Variants in SV2A observed in about 807,000 individuals in gnomAD.
SV2A encodes synaptic vesicle glycoprotein 2A, also known as solute carrier family 22 member B1.
A neutral mutation model predicts 78.0 loss-of-function variants in SV2A; 25 were observed. That is an observed-to-expected ratio of 0.32 (90% CI 0.23 to 0.45). The LOEUF is 0.45. Ranked by LOEUF, SV2A falls within the 20% of genes least tolerant of loss-of-function variation. SV2A has a pLI of 1.00. For missense variants in SV2A, 752 were observed against 971.5 expected (o/e 0.77, Z 3.00); for synonymous variants, 355 against 384.7 (o/e 0.92, Z 0.90).
rs1413992261 is a variant in SV2A at position 149,904,790 on chromosome 1, G to C, written c.*224C>G. On this transcript the variant is annotated 3_prime_UTR_variant, in exon 13 of 13. Transcript: ENST00000369146. The stretch of plus-strand genomic sequence containing the variant: ...GCAAAGTCAAGGGCAGTGGGAAATG[G>C]GGAGTACAGCTTCATCTCAAAACTG... 1.2e-5 allele frequency: 6 copies of C among 507,538 alleles called. No individual in the cohort carries two copies. The highest frequency in any genetic ancestry group is 2.1e-5 in the Non-Finnish European group (6 of 286,108). The allele number at this position is 507,538 out of a possible 1,614,324, so 31.4% of individuals were successfully genotyped here. A position where few individuals can be genotyped will look rare whatever the true frequency, so the allele number is the denominator to read the frequency against.
At position 149,905,104 on chromosome 1, in the gene SV2A, A is replaced by C. The variant is rs1553762499; in HGVS notation, c.2139T>G (p.Ala713=). 16 of 1,613,346 alleles carry C rather than the reference A, an allele frequency of 9.9e-6. No homozygotes were observed. Among genetic ancestry groups the C allele is most frequent in the Non-Finnish European group, 1.4e-5 (16 of 1,179,728 alleles). The change falls in exon 13 of 13, where the codon GCT becomes GCG. Residue 713 remains alanine, a synonymous_variant. Coordinates refer to ENST00000369146, the MANE Select transcript of SV2A (RefSeq NM_014849.5). ...CAGCTGAGGCAAAGAGGATGGGTGC[A>C]GCCTTGGTGATTCCCACGAAGGATG... ...IFTSFVGITK[A]APILFASAAL...
chr1:149,913,829 G>A lies in SV2A; in HGVS notation c.12C>T (p.Gly4=), dbSNP rs1161083831. Residue 4 remains glycine (G), a synonymous_variant, in exon 2 of 13, where the codon GGC becomes GGT. Transcript: ENST00000369146. ...GGATGAAAGCTGCCCGGTCTCGGAA[G>A]CCCTCTTCCATGATGGGGCTTGGGG... The part of the protein sequence containing the change: MEE[G]FRDRAAFIRG... 1 of 1,607,898 alleles carries A rather than the reference G, an allele frequency of 6.2e-7. No individual in the cohort carries two copies. The highest frequency in any genetic ancestry group is 8.5e-7 in the Non-Finnish European group (1 of 1,175,872).
At chr1:149,907,506 T>C (rs1321213001) in intron 10 of SV2A, among the ~76,000 whole-genome samples, 194 bp downstream of exon 10, 8 of 152,262 alleles carry the variant, frequency 5.3e-5, no homozygotes, top group African/African-American at 1.7e-4. Context: ...TCAGATATTC[T>C]ATTACAGGAA....
At chr1:149,913,121 G>C in intron 2 of SV2A, 98 bp downstream of exon 2, 1 of 1,466,048 alleles carries the variant, frequency 6.8e-7, no homozygotes, top group Non-Finnish European at 9.2e-7. Flanking sequence ...TTGGGTGCAG[G>C]GTCCTAGGGA....
chr1:149,913,097 C>A lies in SV2A; in HGVS notation c.622+122G>T, dbSNP rs2092485886. 3 of 1,285,616 alleles carry A rather than the reference C, an allele frequency of 2.3e-6. No individual in the cohort carries two copies. In the East Asian group the frequency reaches 7.0e-5, roughly 30 times the overall value. 79.6% of individuals were successfully genotyped at this position (1,285,616 alleles called of 1,614,324 possible). Reference sequence around the variant, plus strand: ...AAGAGTGTGCAGAGGAACCCTGAGCCCTCTGGGAACATCTTGGGTGCAGGG... The same window carrying A: ...AAGAGTGTGCAGAGGAACCCTGAGCACTCTGGGAACATCTTGGGTGCAGGG... On this transcript the variant is annotated intron_variant, in intron 2 of 12. Coordinates refer to ENST00000369146, the MANE Select transcript of SV2A (RefSeq NM_014849.5).
chr1:149,913,297 C>G lies in SV2A; in HGVS notation c.544G>C (p.Glu182Gln). Residue 182 changes from glutamate to glutamine, a missense_variant, in exon 2 of 13, where the codon GAG becomes CAG. Physicochemically the swap from Glu to Gln is conservative, Grantham distance 29. Coordinates refer to ENST00000369146, the MANE Select transcript of SV2A (RefSeq NM_014849.5). ...AGCACGAAGCCCACCACAAAGACCT[C>G]CACACCGTCAGCCATCAGCGCCAGA... is the stretch of plus-strand genomic sequence containing the variant. The part of the protein sequence containing the change: ...LGLALMADGV[E>Q]VFVVGFVLPS... 6.2e-7 allele frequency: 1 copy of G among 1,614,172 alleles called. No homozygotes were observed. Among genetic ancestry groups the G allele is most frequent in the Non-Finnish European group, 8.5e-7 (1 of 1,180,026 alleles).
At chr1:149,906,547 T>G in intron 11 of SV2A, 103 bp downstream of exon 11, 1 of 1,252,768 alleles carries the variant, frequency 8.0e-7, no homozygotes, top group South Asian at 1.4e-5. Flanking sequence ...AGAGAGGAAC[T>G]CTCTGACCAA....
intron 11 of SV2A, 107 bp downstream of exon 11, chr1:149,906,543 G>T (rs1380592060): frequency 1.7e-6 from 2 of 1,169,282 alleles, no homozygotes; most frequent in Non-Finnish European, 2.4e-6. Context: ...CATGAGAGAG[G>T]AACTCTCTGA....
intron 12 of SV2A, 65 bp downstream of exon 12, chr1:149,905,815 G>C: frequency 6.3e-7 from 1 of 1,581,992 alleles, no homozygotes; most frequent in East Asian, 2.2e-5. Flanking sequence ...TTCCCATTCA[G>C]CCCTCCTTCC....
chr1:149,908,842 C>T (rs2092456156), intron 8 of SV2A, among the ~76,000 whole-genome samples: 2 of 152,030 alleles, frequency 1.3e-5, no homozygotes, highest in African/African-American at 4.8e-5. Context: ...TTCACCGTAG[C>T]CAGGATGGTC....
Position 149,906,813 on chromosome 1 carries a change from A to G in SV2A, c.1722T>C (p.Ser574=), listed in dbSNP as rs2092441327. ...AGCCCTCCTTGTTGTGCAGGAATGT[A>G]CTGTTTATCAGACGGCTGTTCACAA... ...YKFVNSRLIN[S]TFLHNKEGCP... is the part of the protein sequence containing the mutation. Residue 574 remains serine, a synonymous_variant, in exon 11 of 13, where the codon AGT becomes AGC. Coordinates refer to ENST00000369146, the MANE Select transcript of SV2A (RefSeq NM_014849.5). The G allele has an allele frequency of 1.9e-6, 3 of 1,614,194 alleles. No individual in the cohort carries two copies. In the East Asian group the frequency reaches 6.7e-5, roughly 36 times the overall value.
intron 1 of SV2A, among the ~76,000 whole-genome samples, chr1:149,917,171 C>T (rs1001254212): frequency 1.6e-4 from 24 of 151,770 alleles, no homozygotes; most frequent in South Asian, 4.2e-4. Flanking sequence ...GCAACTGCCG[C>T]CAGCCCCCGC....
At position 149,905,897 on chromosome 1, in the gene SV2A, G is replaced by C; in HGVS notation, c.2028C>G (p.Leu676=). Residue 676 remains leucine, a synonymous_variant, in exon 12 of 13, where the codon CTC becomes CTG. Coordinates refer to ENST00000369146, the MANE Select transcript of SV2A (RefSeq NM_014849.5). The part of the protein sequence containing the change: ...WNALDVLTVE[L]YPSDKRTTAF... Reference sequence around the variant, plus strand: ...CCAACTACCTCTTGTCTGAGGGGTAGAGTTCAACAGTCAACACGTCCAGCG... The same window carrying C: ...CCAACTACCTCTTGTCTGAGGGGTACAGTTCAACAGTCAACACGTCCAGCG... 2 of 1,614,120 alleles carry C rather than the reference G, an allele frequency of 1.2e-6. No homozygotes were observed. The highest frequency in any genetic ancestry group is 1.7e-6 in the Non-Finnish European group (2 of 1,180,020).
intron 1 of SV2A, among the ~76,000 whole-genome samples, chr1:149,916,770 T>G (rs74124089): frequency 0.035 from 5,309 of 152,228 alleles, 329 homozygotes; most frequent in African/African-American, 0.12. Flanking sequence ...GGAGCACCCC[T>G]TCCCCATGAC....
intron 8 of SV2A, 125 bp downstream of exon 8, chr1:149,909,067 C>T: frequency 1.2e-6 from 1 of 855,924 alleles, no homozygotes. Context: ...GCTGCAGGAT[C>T]AGAGGGGGTC....
rs762634635 is a variant in SV2A, at chr1:149,910,600, C to T, written c.1059G>A (p.Thr353=). ...PSVFAIGALT[T]QPESPRFFLE... ...GGAAGAAACGGGGGCTCTCAGGCTG[C>T]GTGGTCAGAGCCCCAATGGCAAACA... The change falls in exon 5 of 13, where the codon ACG becomes ACA. Residue 353 remains threonine (T), a synonymous_variant. Transcript: ENST00000369146. The surrounding 1 kb of genome is among the most constrained non-coding windows in gnomAD (Gnocchi z 4.2). The T allele has an allele frequency of 1.0e-4, 165 of 1,611,824 alleles. No individual in the cohort carries two copies. Among genetic ancestry groups the T allele is most frequent in the Non-Finnish European group, 1.3e-4 (157 of 1,179,064 alleles).
At position 149,907,669 on chromosome 1, in the gene SV2A, G is replaced by T. The variant is rs199742946; in HGVS notation, c.1678+31C>A. 626 of 1,604,710 alleles carry T rather than the reference G, an allele frequency of 3.9e-4. 7 individuals carry two copies. In the South Asian group the frequency reaches 5.2e-3, roughly 13 times the overall value. On this transcript the variant is annotated intron_variant, in intron 10 of 12. Coordinates refer to ENST00000369146, the MANE Select transcript of SV2A (RefSeq NM_014849.5). The stretch of plus-strand genomic sequence containing the variant: ...CTCATCAAGGTCCACCCAACCCTTT[G>T]GTCTGACACCCACCAGCCACCCCGC...
chr1:149,916,921 T>C (rs1234405588), intron 1 of SV2A, among the ~76,000 whole-genome samples: 1 of 151,962 alleles, frequency 6.6e-6, no homozygotes, highest in Non-Finnish European at 1.5e-5. Flanking sequence ...GAATGCACAC[T>C]GAGGAATACG....
intron 5 of SV2A, 79 bp from the exon 6 acceptor site, chr1:149,909,969 G>A: frequency 7.4e-7 from 1 of 1,357,030 alleles, no homozygotes; most frequent in South Asian, 1.2e-5. Context: ...CCTCCCACCT[G>A]GCTTCTGTAG....
Sources: allele counts gnomAD v4.1 joint callset (sites outside exome capture counted in the v4.1 genomes callset), GRCh38; gene constraint gnomAD v4.1.1; non-coding constraint Gnocchi (gnomAD v3.1); transcripts MANE v1.5; gene names NCBI Gene and HGNC (gene_info 2026-07-23, HGNC 2026-07-21).